COL22A1: variants seen among roughly 807,000 people sequenced by gnomAD.
COL22A1 encodes the protein collagen alpha-1(XXII) chain.
Under a neutral mutation model 248.9 loss-of-function variants are expected in COL22A1, and 221 were observed. The observed-to-expected ratio is 0.89, with a 90% CI of 0.80 to 0.99. The LOEUF is 0.99. Ranked by LOEUF, COL22A1 falls within the 50% of genes least tolerant of loss-of-function variation. COL22A1 has a pLI of 0.00. For missense variants in COL22A1, 2,240 were observed against 2,179.0 expected (o/e 1.03, Z -0.56); for synonymous variants, 891 against 793.4 (o/e 1.12, Z -2.07).
chr8:138,881,491 T>C (rs143489160), intron 2 of COL22A1, among the ~76,000 whole-genome samples: 16 of 152,124 alleles, frequency 1.1e-4, no homozygotes, highest in African/African-American at 3.1e-4. Context: ...CGAGACCGTC[T>C]TGGCTAACAC....
chr8:138,714,778 T>C (rs1361422368), intron 30 of COL22A1, among the ~76,000 whole-genome samples: 2 of 152,194 alleles, frequency 1.3e-5, no homozygotes, highest in African/African-American at 2.4e-5. Context: ...ACAAATGCCA[T>C]GATGCCCCCT....
chr8:138,763,489 GC>G (rs1833678791), intron 16 of COL22A1, among the ~76,000 whole-genome samples: 1 of 152,166 alleles, frequency 6.6e-6, no homozygotes, highest in African/African-American at 2.4e-5. Context: ...CCCTAGCTGT[GC>G]CCTGGTTTTC....
intron 43 of COL22A1, among the ~76,000 whole-genome samples, chr8:138,660,829 T>G (rs111671478): frequency 1.9e-4 from 9 of 47,500 alleles, no homozygotes; most frequent in African/African-American, 6.0e-4. Context: ...TACACACACA[T>G]ACACACACAG....
chr8:138,606,569 A>G (rs1818442878), intron 57 of COL22A1, 117 bp from the exon 58 acceptor site: 2 of 951,604 alleles, frequency 2.1e-6, no homozygotes, highest in East Asian at 2.7e-5. Context: ...CAACACACAA[A>G]TCCTCCCATG....
chr8:138,809,882 C>T (rs1227554711), intron 9 of COL22A1, among the ~76,000 whole-genome samples: 2 of 152,144 alleles, frequency 1.3e-5, no homozygotes, highest in African/African-American at 2.4e-5. Flanking sequence ...CAACTCAGCT[C>T]TTATTTATTG....
chr8:138,841,163 A>AT (rs2131855358), intron 4 of COL22A1, among the ~76,000 whole-genome samples: 1 of 151,846 alleles, frequency 6.6e-6, no homozygotes, highest in Non-Finnish European at 1.5e-5. Context: ...AATGTTTCTT[A>AT]TTTTCACTAA....
At chr8:138,805,817 G>GGT (rs1281442711) in intron 10 of COL22A1, among the ~76,000 whole-genome samples, 1 of 145,862 alleles carries the variant, frequency 6.9e-6, no homozygotes, top group Non-Finnish European at 1.5e-5. Context: ...TATGTGTGAT[G>GGT]GTGTGTGTGT....
At chr8:138,706,275 C>A (rs1334555251) in intron 30 of COL22A1, among the ~76,000 whole-genome samples, 1 of 152,170 alleles carries the variant, frequency 6.6e-6, no homozygotes, top group Non-Finnish European at 1.5e-5. Flanking sequence ...CTCAGCTCTG[C>A]ACCAAGCAGA....
At chr8:138,645,743 G>A (rs1822148747) in intron 47 of COL22A1, among the ~76,000 whole-genome samples, 1 of 152,188 alleles carries the variant, frequency 6.6e-6, no homozygotes, top group Non-Finnish European at 1.5e-5. Flanking sequence ...TGACTTCTGA[G>A]CTTTCTCTCC....
chr8:138,885,513 C>A (rs890057391), intron 1 of COL22A1, among the ~76,000 whole-genome samples: 2 of 152,172 alleles, frequency 1.3e-5, no homozygotes, highest in African/African-American at 4.8e-5. Flanking sequence ...AGAGATACGC[C>A]CCTGCCTCAA....
At chr8:138,676,197 C>A (rs866772754) in intron 41 of COL22A1, among the ~76,000 whole-genome samples, 5 of 151,856 alleles carry the variant, frequency 3.3e-5, no homozygotes, top group African/African-American at 1.2e-4. Flanking sequence ...GAGTTCAAGA[C>A]GAGCCTGGCC....
At chr8:138,645,261 C>T (rs866812562) in intron 47 of COL22A1, among the ~76,000 whole-genome samples, 1 of 152,108 alleles carries the variant, frequency 6.6e-6, no homozygotes, top group Non-Finnish European at 1.5e-5. Context: ...CCACTCAGAA[C>T]GTGCTTATGA....
At chr8:138,661,918 C>G in intron 43 of COL22A1, 112 bp downstream of exon 43, 1 of 663,524 alleles carries the variant, frequency 1.5e-6, no homozygotes, top group Non-Finnish European at 2.5e-6. Context: ...AATCCTCAAC[C>G]GGGCTACAAA....
At chr8:138,634,459 A>C (rs1169421887) in intron 49 of COL22A1, among the ~76,000 whole-genome samples, 1 of 152,122 alleles carries the variant, frequency 6.6e-6, no homozygotes, top group Non-Finnish European at 1.5e-5. Flanking sequence ...CTGCAACAGC[A>C]GTGGACTCTG....
Position 138,602,155 on chromosome 8 carries a change from A to G in COL22A1, c.4145T>C (p.Val1382Ala). The G allele has an allele frequency of 1.2e-6, 2 of 1,613,582 alleles. No homozygotes were observed. ...TCCAGGCTCTCCAGGCTTCCCAGGG[A>G]CCCCCTGCAAGGAGAAAGAAAGGAC... ...GEKGVPGKEG[V>A]PGKPGEPGFK... Residue 1382 changes from valine to alanine, a missense_variant, in exon 60 of 65, where the codon GTC (valine) becomes GCC (alanine). Coordinates refer to ENST00000303045, the MANE Select transcript of COL22A1 (RefSeq NM_152888.3).
Position 138,616,838 on chromosome 8 carries a change from G to A in COL22A1, c.3870+76C>T, listed in dbSNP as rs1035533157. ...GGTAAGGCACTGCCATGGCCTGCAG[G>A]CTGCAAGTATCTTCTGTCTGGGAAG... On this transcript the variant is annotated intron_variant, in intron 54 of 64. Transcript: ENST00000303045. 3.5e-5 allele frequency: 55 copies of A among 1,551,296 alleles called. No homozygotes were observed. The African/African-American group carries it at 4.8e-4, about 13-fold the overall frequency.
rs1374063742 is a variant in COL22A1 at position 138,591,471 on chromosome 8, G to C, written c.4646C>G (p.Ala1549Gly). Reference protein sequence around the residue: ...GERGAKGDPGAPGVGLRGEMG... With the variant: ...GERGAKGDPGGPGVGLRGEMG... ...CTCGCCTCGGAGGCCAACTCCAGGT[G>C]CACCTGGGTCACCTTTGGCTCCTCG... Residue 1549 changes from alanine (A) to glycine (G), a missense_variant, in exon 64 of 65, where the codon GCA becomes GGA. Ala to Gly is a moderately conservative substitution (Grantham distance 60). Coordinates refer to ENST00000303045, the MANE Select transcript of COL22A1 (RefSeq NM_152888.3). 1.9e-6 allele frequency: 3 copies of C among 1,577,818 alleles called. No individual in the cohort carries two copies. In the South Asian group the frequency reaches 3.5e-5, roughly 19 times the overall value.
At position 138,755,468 on chromosome 8, in the gene COL22A1, C is replaced by G. The variant is rs372303636; in HGVS notation, c.1977+14G>C. 1 of 1,612,636 alleles carries G rather than the reference C, an allele frequency of 6.2e-7. No homozygotes were observed. The highest frequency in any genetic ancestry group is 1.1e-5 in the South Asian group (1 of 91,048). On this transcript the variant is annotated intron_variant, in intron 20 of 64. Coordinates refer to ENST00000303045, the MANE Select transcript of COL22A1 (RefSeq NM_152888.3). ...CCTAAATCCCCATGAGAAGAAGACGCGTGTGCCTCTTACCTGTTCCCCTTT... is the reference window on the plus strand; with the variant it reads ...CCTAAATCCCCATGAGAAGAAGACGGGTGTGCCTCTTACCTGTTCCCCTTT...
Position 138,780,918 on chromosome 8 carries a change from A to G in COL22A1, c.1650+9T>C. 1 of 1,612,668 alleles carries G rather than the reference A, an allele frequency of 6.2e-7. No individual in the cohort carries two copies. Among genetic ancestry groups the G allele is most frequent in the Non-Finnish European group, 8.5e-7 (1 of 1,178,724 alleles). ...CCTTGTGAGCCAGGGCAGACGGAAC[A>G]GAACTTACTCTCATGCCTTTGCTGC... On this transcript the variant is annotated intron_variant, in intron 13 of 64. Transcript: ENST00000303045.
Sources: gnomAD v4.1 joint callset for allele counts (sites outside exome capture counted in the v4.1 genomes callset) on GRCh38, gnomAD v4.1.1 for gene constraint, MANE v1.5 for transcripts, NCBI Gene and HGNC (gene_info 2026-07-23, HGNC 2026-07-21) for gene names.